The following CNTN5 variants were observed in gnomAD, a reference collection of about 807,000 sequenced individuals.
CNTN5 encodes contactin 5.
In CNTN5, 77 loss-of-function variants were observed where a neutral mutation model predicts 129.1. The observed-to-expected ratio is 0.60, with a 90% confidence interval of 0.50 to 0.72. The LOEUF (loss-of-function observed/expected upper bound fraction) is 0.72. Ranked by LOEUF, CNTN5 falls within the 30% of genes least tolerant of loss-of-function variation. The pLI is 0.00. For missense variants in CNTN5, 1,478 were observed against 1,328.8 expected (o/e 1.11, Z -1.75); for synonymous variants, 509 against 465.6 (o/e 1.09, Z -1.20).
chr11:99,565,274 G>A (rs1193635151), intron 3 of CNTN5, among the ~76,000 whole-genome samples: 1 of 152,070 alleles, frequency 6.6e-6, no homozygotes, highest in African/African-American at 2.4e-5. Context: ...TTATCTGACT[G>A]AGGAAATTTC....
At chr11:99,530,383 A>G (rs1226719470) in intron 2 of CNTN5, among the ~76,000 whole-genome samples, 1 of 152,230 alleles carries the variant, frequency 6.6e-6, no homozygotes, top group Non-Finnish European at 1.5e-5. Context: ...AGCAGATATT[A>G]GGAGAATGAT....
Position 100,350,698 on chromosome 11 carries a change from T to C in CNTN5, c.3031-4T>C, listed in dbSNP as rs781576552. 4 of 1,598,728 alleles carry C rather than the reference T, an allele frequency of 2.5e-6. No individual in the cohort carries two copies. The East Asian group carries it at 9.0e-5, about 36-fold the overall frequency. On this transcript the variant is annotated splice_polypyrimidine_tract_variant and splice_region_variant and intron_variant, in intron 23 of 24. Transcript: ENST00000524871. ...AAATGTCTAAACCTTGTTATTACTC[T>C]CAGGTTTTTTATAGGCAAGAGGGTC...
intron 13 of CNTN5, among the ~76,000 whole-genome samples, chr11:100,135,068 T>A (rs1946481334): frequency 6.6e-6 from 1 of 152,160 alleles, no homozygotes; most frequent in Admixed American, 6.6e-5. Context: ...TATTATATTT[T>A]CTCTTGGGAT....
At chr11:99,089,830 A>G (rs1866165779) in intron 1 of CNTN5, among the ~76,000 whole-genome samples, 1 of 152,134 alleles carries the variant, frequency 6.6e-6, no homozygotes. Context: ...AAAAATTGTC[A>G]TCTGGGCTAG....
chr11:99,072,899 C>T (rs566130184), intron 1 of CNTN5, among the ~76,000 whole-genome samples: 1 of 152,102 alleles, frequency 6.6e-6, no homozygotes, highest in Non-Finnish European at 1.5e-5. Flanking sequence ...TTCTTCCCAC[C>T]TCTAAAAATG....
chr11:99,023,268 A>G (rs1403427167), intron 1 of CNTN5, among the ~76,000 whole-genome samples: 1 of 152,230 alleles, frequency 6.6e-6, no homozygotes, highest in African/African-American at 2.4e-5. Context: ...ATTTACTTCA[A>G]TCTTATGTGT....
At chr11:99,886,428 T>C (rs1229621739) in intron 6 of CNTN5, among the ~76,000 whole-genome samples, 1 of 152,138 alleles carries the variant, frequency 6.6e-6, no homozygotes, top group African/African-American at 2.4e-5. Flanking sequence ...TGGTAAAACA[T>C]AAATATGCTC....
At chr11:99,464,232 C>G (rs1944847434) in intron 2 of CNTN5, among the ~76,000 whole-genome samples, 1 of 152,138 alleles carries the variant, frequency 6.6e-6, no homozygotes, top group African/African-American at 2.4e-5. Context: ...TGAACGTAAT[C>G]ACAATTTTTT....
At chr11:99,183,137 C>T (rs1454687724) in intron 1 of CNTN5, among the ~76,000 whole-genome samples, 1 of 152,088 alleles carries the variant, frequency 6.6e-6, no homozygotes, top group Admixed American at 6.6e-5. Context: ...GTTTTAATCT[C>T]ACCAATATTA....
chr11:99,852,208 T>G (rs77058411), intron 6 of CNTN5, among the ~76,000 whole-genome samples: 8,272 of 152,310 alleles, frequency 0.054, 293 homozygotes, highest in Middle Eastern at 0.13. Flanking sequence ...TAAGTGTTTC[T>G]TTAAAAGTAT....
intron 1 of CNTN5, among the ~76,000 whole-genome samples, chr11:99,269,960 A>G (rs542996864): frequency 3.9e-5 from 6 of 151,998 alleles, no homozygotes; most frequent in African/African-American, 7.2e-5. Flanking sequence ...AATGCAGAAG[A>G]AAAACGTAGA....
chr11:100,053,430 A>G (rs1943062628), intron 9 of CNTN5, among the ~76,000 whole-genome samples: 1 of 151,726 alleles, frequency 6.6e-6, no homozygotes, highest in Non-Finnish European at 1.5e-5. Context: ...AAAATGAACC[A>G]AAGATTTGAG....
chr11:99,251,816 G>A (rs748355131), intron 1 of CNTN5, among the ~76,000 whole-genome samples: 2 of 152,036 alleles, frequency 1.3e-5, no homozygotes, highest in African/African-American at 2.4e-5. Flanking sequence ...TGGTTGGAAA[G>A]CTTCCTTTAT....
intron 3 of CNTN5, among the ~76,000 whole-genome samples, chr11:99,608,980 C>G (rs911507505): frequency 3.3e-5 from 5 of 152,162 alleles, no homozygotes; most frequent in Admixed American, 2.0e-4. Context: ...TCCTTTCTCA[C>G]TGATAAATAT....
intron 3 of CNTN5, among the ~76,000 whole-genome samples, chr11:99,674,344 C>T (rs186734854): frequency 3.3e-5 from 5 of 151,518 alleles, no homozygotes; most frequent in Non-Finnish European, 7.4e-5. Context: ...TATAGATGCT[C>T]GATTTTAGAC....
intron 3 of CNTN5, among the ~76,000 whole-genome samples, chr11:99,569,288 T>C (rs1949102349): frequency 1.3e-5 from 2 of 151,010 alleles, no homozygotes; most frequent in Admixed American, 6.6e-5. Context: ...ATGGGATAAC[T>C]GTTTTTTATT....
chr11:99,167,395 A>C (rs1168441144), intron 1 of CNTN5, among the ~76,000 whole-genome samples: 1 of 152,194 alleles, frequency 6.6e-6, no homozygotes, highest in Non-Finnish European at 1.5e-5. Context: ...GAATTATACA[A>C]ATATTTGCTA....
intron 18 of CNTN5, among the ~76,000 whole-genome samples, chr11:100,292,736 T>G (rs906840797): frequency 6.6e-6 from 1 of 151,980 alleles, no homozygotes; most frequent in African/African-American, 2.4e-5. Flanking sequence ...TGTGCATGTA[T>G]GTATATGAGT....
intron 13 of CNTN5, among the ~76,000 whole-genome samples, chr11:100,135,935 T>C (rs1946509059): frequency 6.6e-6 from 1 of 152,150 alleles, no homozygotes; most frequent in Admixed American, 6.6e-5. Context: ...AGTTAAGGTC[T>C]GGTTTCATTC....
Sources: allele counts gnomAD v4.1 joint callset (sites outside exome capture counted in the v4.1 genomes callset), GRCh38; gene constraint gnomAD v4.1.1; transcripts MANE v1.5; gene names NCBI Gene and HGNC (gene_info 2026-07-23, HGNC 2026-07-21).